HK1: variants seen among roughly 807,000 people sequenced by gnomAD.
The protein encoded by HK1 is hexokinase-1.
HK1 carries 28 observed loss-of-function variants against 91.6 expected under a neutral mutation model. The ratio of observed to expected loss-of-function variants is 0.31; its 90% CI spans 0.23 to 0.42. HK1 has a LOEUF of 0.42. HK1 is among the 10% of genes least tolerant of loss of function. HK1 has a pLI of 1.00. For missense variants in HK1, 770 were observed against 1,219.8 expected (o/e 0.63, Z 5.49); for synonymous variants, 430 against 468.1 (o/e 0.92, Z 1.05).
chr10:69,293,434 T>C (rs1268505446), intron 3 of HK1, among the ~76,000 whole-genome samples: 1 of 152,258 alleles, frequency 6.6e-6, no homozygotes, highest in African/African-American at 2.4e-5. Context: ...GGAAGGAAGA[T>C]ATCTCCAAGA....
chr10:69,389,282 T>C lies in HK1; in HGVS notation c.2021T>C (p.Val674Ala), dbSNP rs2132923322. ...TCAYEEPTCEVGLIVGTGSNA... is the reference protein window; with the variant it reads ...TCAYEEPTCEAGLIVGTGSNA... ...GCTTATGAGGAGCCCACCTGTGAGG[T>C]TGGACTCATTGTTGGTGAGTGTCCT... is the stretch of plus-strand genomic sequence containing the variant. The change falls in exon 14 of 18, where the codon GTT becomes GCT. Residue 674 changes from valine (V) to alanine (A), a missense_variant. Coordinates refer to ENST00000359426, the MANE Select transcript of HK1 (RefSeq NM_000188.3). 2 of 1,609,576 alleles carry C rather than the reference T, an allele frequency of 1.2e-6. No individual in the cohort carries two copies. The highest frequency in any genetic ancestry group is 2.2e-5 in the East Asian group (1 of 44,772).
chr10:69,310,066 A>G (rs1306714012), intron 5 of HK1, among the ~76,000 whole-genome samples: 1 of 149,862 alleles, frequency 6.7e-6, no homozygotes, highest in African/African-American at 2.5e-5. Context: ...AAAAAAAAAA[A>G]GAGATTGTAC....
intron 2 of HK1, among the ~76,000 whole-genome samples, chr10:69,284,588 A>G (rs906707313): frequency 6.6e-6 from 1 of 152,112 alleles, no homozygotes; most frequent in Non-Finnish European, 1.5e-5. Flanking sequence ...CTGAGAGAGG[A>G]GGATCACTGG....
intron 11 of HK1, 99 bp downstream of exon 11, chr10:69,384,580 A>T (rs1589573949): frequency 1.3e-6 from 2 of 1,514,256 alleles, no homozygotes; most frequent in Non-Finnish European, 1.8e-6. Context: ...GCCCACATGG[A>T]TTTGTGTCCT....
At chr10:69,289,439 C>CT (rs1373005334) in intron 3 of HK1, among the ~76,000 whole-genome samples, 1 of 143,050 alleles carries the variant, frequency 7.0e-6, no homozygotes, top group Non-Finnish European at 1.5e-5. Flanking sequence ...TAAAAATGGG[C>CT]TTCTGCCCAT....
At chr10:69,355,526 A>G in intron 2 of HK1, among the ~76,000 whole-genome samples, 1 of 152,198 alleles carries the variant, frequency 6.6e-6, no homozygotes, top group African/African-American at 2.4e-5. Context: ...GTGGTGGCTC[A>G]TGCCTGTAAT....
rs756025439 is a variant in HK1, at chr10:69,389,229, C to T, written c.1968C>T (p.Asn656=). ...EFDLDVVAVV[N]DTVGTMMTCA... ...ACCTGGACGTGGTGGCTGTGGTCAA[C>T]GACACAGTGGGCACCATGATGACCT... Residue 656 remains asparagine, a synonymous_variant, in exon 14 of 18, where the codon AAC becomes AAT. Transcript: ENST00000359426. 6.8e-6 allele frequency: 11 copies of T among 1,613,926 alleles called. No individual in the cohort carries two copies. Among genetic ancestry groups the T allele is most frequent in the Admixed American group, 3.3e-5 (2 of 59,988 alleles).
At chr10:69,273,587 GGTGATCCCCCT>G (rs1011285094) in intron 1 of HK1, among the ~76,000 whole-genome samples, 16 of 152,048 alleles carry the variant, frequency 1.1e-4, no homozygotes, top group African/African-American at 3.6e-4. Context: ...CCTGACCTCA[GGTGATCCCCCT>G]GTCTTGGCCT....
chr10:69,329,836 C>G (rs1176857263), intron 1 of HK1, among the ~76,000 whole-genome samples: 1 of 152,048 alleles, frequency 6.6e-6, no homozygotes, highest in Non-Finnish European at 1.5e-5. Context: ...GTGTCTCCTG[C>G]CTGTGCCTGC....
chr10:69,301,584 AAAAAAAAAAAAG>A lies in HK1; in HGVS notation c.27+728_27+739del, dbSNP rs1371924625. Among the ~76,000 whole-genome samples the A allele has an allele frequency of 1.9e-4, 29 of 151,266 alleles. 1 individual carries two copies. The South Asian group carries it at 4.8e-3, about 25-fold the overall frequency. On this transcript the variant is annotated intron_variant, in intron 5 of 21. Transcript: ENST00000360289. ...GTGAGACTCTGTCTCAAAAAAAAAAAAAAAAAAAAAAGAAAAGAAAACAATTCCATGTATAAT... is the reference window on the plus strand; with the variant it reads ...GTGAGACTCTGTCTCAAAAAAAAAAAAAAAGAAAACAATTCCATGTATAAT...
chr10:69,369,168 C>A lies in HK1; in HGVS notation c.592-69C>A. ...TGAAAACGGGAGCACTTCTGCCAAG[C>A]GCTGTTAAGGTGTGTGATCTCTGCT... is the stretch of plus-strand genomic sequence containing the variant. On this transcript the variant is annotated intron_variant, in intron 5 of 17. Transcript: ENST00000359426. The surrounding 1 kb of genome is among the most constrained non-coding windows in gnomAD (Gnocchi z 4.4). 4 of 1,168,710 alleles carry A rather than the reference C, an allele frequency of 3.4e-6. No homozygotes were observed. Among genetic ancestry groups the A allele is most frequent in the Non-Finnish European group, 5.1e-6 (4 of 778,340 alleles). The allele number at this position is 1,168,710 out of a possible 1,614,324, so 72.4% of individuals were successfully genotyped here. A position where few individuals can be genotyped will look rare whatever the true frequency, so the allele number is the denominator to read the frequency against.
chr10:69,299,940 C>T (rs1845771700), intron 4 of HK1, among the ~76,000 whole-genome samples: 1 of 151,268 alleles, frequency 6.6e-6, no homozygotes, highest in African/African-American at 2.4e-5. Context: ...GATTACAGGC[C>T]TCAGCCACCG....
At chr10:69,321,393 C>G (rs1051546549) in intron 1 of HK1, among the ~76,000 whole-genome samples, 1 of 152,330 alleles carries the variant, frequency 6.6e-6, no homozygotes, top group Middle Eastern at 3.4e-3. Context: ...CCACGTACCA[C>G]TCACCATAGG....
intron 13 of HK1, among the ~76,000 whole-genome samples, chr10:69,388,930 C>T (rs1014487594): frequency 6.6e-6 from 1 of 152,230 alleles, no homozygotes; most frequent in Non-Finnish European, 1.5e-5. Flanking sequence ...CCTTGTCTCT[C>T]CTATTCTATG....
At chr10:69,349,920 C>T (rs1028851092) in intron 2 of HK1, among the ~76,000 whole-genome samples, 3 of 152,180 alleles carry the variant, frequency 2.0e-5, no homozygotes, top group Non-Finnish European at 2.9e-5. Flanking sequence ...TGGGAAGTCT[C>T]GCTGTGAGTT....
chr10:69,300,683 A>T, intron 4 of HK1: 2 of 843,620 alleles, frequency 2.4e-6, no homozygotes, highest in Non-Finnish European at 4.0e-6. Context: ...ATTCGCCAAT[A>T]TAACCATGCT....
At chr10:69,368,843 T>C (rs535442709) in intron 5 of HK1, among the ~76,000 whole-genome samples, 1 of 152,170 alleles carries the variant, frequency 6.6e-6, no homozygotes, top group African/African-American at 2.4e-5. Context: ...CACCCAGGCC[T>C]GGAGCAGGGG....
At chr10:69,288,812 G>A (rs367569226) in intron 3 of HK1, 7 of 1,568,006 alleles carry the variant, frequency 4.5e-6, no homozygotes, top group African/African-American at 2.7e-5. Context: ...TTTTTGAGAC[G>A]TTTTTGTTCC....
At chr10:69,337,031 C>A (rs1256585826) in intron 1 of HK1, among the ~76,000 whole-genome samples, 1 of 152,172 alleles carries the variant, frequency 6.6e-6, no homozygotes, top group African/African-American at 2.4e-5. Flanking sequence ...GGAAATGACA[C>A]TTGATGCTTA....
Sources: gnomAD v4.1 joint callset for allele counts (sites outside exome capture counted in the v4.1 genomes callset) on GRCh38, gnomAD v4.1.1 for gene constraint, Gnocchi (gnomAD v3.1) non-coding constraint, MANE v1.5 for transcripts, NCBI Gene and HGNC (gene_info 2026-07-23, HGNC 2026-07-21) for gene names.